Variants in B9D2 observed in about 807,000 individuals in gnomAD.
B9D2 encodes B9 domain-containing protein 2.
In B9D2, 21 loss-of-function variants were observed where a neutral mutation model predicts 19.2. That is an observed-to-expected ratio of 1.09 (90% CI 0.78 to 1.58). B9D2 has a LOEUF of 1.58. B9D2 is among the 40% of genes most tolerant of loss of function. The pLI, the probability that B9D2 is intolerant of heterozygous loss-of-function variation, is 0.00. For synonymous variants in B9D2, 91 were observed against 100.6 expected, an observed-to-expected ratio of 0.90 and a Z score of 0.57; for missense variants, 221 against 244.3, an observed-to-expected ratio of 0.90 and a Z score of 0.64.
chr19:41,360,364 C>T (rs548520326), intron 2 of B9D2, among the ~76,000 whole-genome samples: 7 of 152,170 alleles, frequency 4.6e-5, no homozygotes, highest in African/African-American at 1.4e-4. Flanking sequence ...TTTGTAGAGA[C>T]GGGGGTCTCA....
Position 41,354,846 on chromosome 19 carries a change from C to G in B9D2, c.382G>C (p.Val128Leu). ...SWREQLARAF[V>L]GGGPQLLHGD... ...TGCAGCAGCTGCGGCCCACCACCCA[C>G]GAAAGCCCGTGCCAACTGTTCTCGC... is the stretch of plus-strand genomic sequence containing the variant. The change falls in exon 4 of 4, where the codon GTG becomes CTG. Residue 128 changes from valine (V) to leucine (L), a missense_variant. Coordinates refer to ENST00000243578, the MANE Select transcript of B9D2 (RefSeq NM_030578.4). 1 of 1,613,942 alleles carries G rather than the reference C, an allele frequency of 6.2e-7. No individual in the cohort carries two copies. The highest frequency in any genetic ancestry group is 8.5e-7 in the Non-Finnish European group (1 of 1,179,986).
At position 41,354,737 on chromosome 19, in the gene B9D2, A is replaced by C; in HGVS notation, c.491T>G (p.Leu164Arg). 1 of 1,614,070 alleles carries C rather than the reference A, an allele frequency of 6.2e-7. No individual in the cohort carries two copies. The highest frequency in any genetic ancestry group is 8.5e-7 in the Non-Finnish European group (1 of 1,180,038). The change falls in exon 4 of 4, where the codon CTG (leucine) becomes CGG (arginine). Residue 164 changes from leucine (L) to arginine (R), a missense_variant. Transcript: ENST00000243578. ...GGTVHLEIGL[L>R]LRNFDRYGVE... ...GCCGTAGCGGTCGAAGTTGCGGAGC[A>C]GCAGGCCGATCTCCAGGTGCACGGT...
chr19:41,363,911 G>T, intron 1 of B9D2, 47 bp downstream of exon 1: 1 of 428,656 alleles, frequency 2.3e-6, no homozygotes, highest in Non-Finnish European at 4.3e-6. Flanking sequence ...ATGAGTTCAG[G>T]TCCGACTTAA....
chr19:41,360,293 A>T (rs1344205890), intron 2 of B9D2, among the ~76,000 whole-genome samples: 1 of 152,034 alleles, frequency 6.6e-6, no homozygotes, highest in Non-Finnish European at 1.5e-5. Flanking sequence ...CTCCCACCTC[A>T]ACCTCCCAAG....
intron 2 of B9D2, among the ~76,000 whole-genome samples, chr19:41,358,557 G>C (rs185905069): frequency 6.6e-6 from 1 of 152,064 alleles, no homozygotes; most frequent in Non-Finnish European, 1.5e-5. Flanking sequence ...TAGTGAGCAC[G>C]GGATAAGTCT....
chr19:41,355,010 C>T lies in B9D2; in HGVS notation c.218G>A (p.Trp73Ter), dbSNP rs766846026. The change falls in exon 4 of 4, where the codon TGG becomes TAG. Residue 73 changes from tryptophan (W) to a stop codon, truncating the protein, a stop_gained. Transcript: ENST00000243578. LOFTEE classifies it high-confidence loss of function. ...LHFATKGLQGWPRLHFQVWSQ... is the reference protein window; with the variant it reads ...LHFATKGLQG ...CCACACCTGGAAATGGAGCCGGGGC[C>T]AGCCTGCAGGAAAGGAGAGAGAGGG... The T allele has an allele frequency of 6.3e-7, 1 of 1,591,672 alleles. No homozygotes were observed.
At chr19:41,363,544 T>C in intron 1 of B9D2, 21 bp from the exon 2 acceptor site, 1 of 1,605,654 alleles carries the variant, frequency 6.2e-7, no homozygotes, top group South Asian at 1.1e-5. Flanking sequence ...AAAAATATAA[T>C]CACAACCCTG....
At position 41,354,546 on chromosome 19, in the gene B9D2, C is replaced by A; in HGVS notation, c.*154G>T. On this transcript the variant is annotated 3_prime_UTR_variant, in exon 4 of 4. Transcript: ENST00000243578. ...GATAGGGAAACTGGGCCCAGAGGGA[C>A]CCCGAGGTCCTAGAAAGGACAGAAG... The A allele has an allele frequency of 4.0e-6, 4 of 994,994 alleles. No homozygotes were observed. The South Asian group carries it at 4.2e-5, about 11-fold the overall frequency. The allele number at this position is 994,994 out of a possible 1,614,324, so 61.6% of individuals were successfully genotyped here. A position where few individuals can be genotyped will look rare whatever the true frequency, so the allele number is the denominator to read the frequency against.
intron 3 of B9D2, among the ~76,000 whole-genome samples, chr19:41,356,781 G>A (rs1176243537): frequency 6.6e-6 from 1 of 151,918 alleles, no homozygotes; most frequent in Non-Finnish European, 1.5e-5. Context: ...AACCTGGGAG[G>A]CAGAGGTTGC....
At chr19:41,356,213 G>A (rs916628467) in intron 3 of B9D2, among the ~76,000 whole-genome samples, 1 of 152,174 alleles carries the variant, frequency 6.6e-6, no homozygotes, top group African/African-American at 2.4e-5. Context: ...GGTCCCAGCT[G>A]CATGTGGGGT....
chr19:41,357,941 C>G lies in B9D2; in HGVS notation c.170G>C (p.Trp57Ser). The change falls in exon 3 of 4, where the codon TGG becomes TCG. Residue 57 changes from tryptophan (W) to serine (S), a missense_variant. Transcript: ENST00000243578. ...GAAGTGCAGGTCGATGGGGTGGGAC[C>G]AGTAAGCCATGTCCCCTATCTGCGG... ...DTPQIGDMAY[W>S]SHPIDLHFAT... is the part of the protein sequence containing the mutation. 1 of 1,614,146 alleles carries G rather than the reference C, an allele frequency of 6.2e-7. No individual in the cohort carries two copies. The highest frequency in any genetic ancestry group is 8.5e-7 in the Non-Finnish European group (1 of 1,180,012).
At chr19:41,355,432 C>CCCTCCTCATGTCCCTGCCCTCCCT (rs11466313) in intron 3 of B9D2, among the ~76,000 whole-genome samples, 1 of 151,704 alleles carries the variant, frequency 6.6e-6, no homozygotes, top group Non-Finnish European at 1.5e-5. Flanking sequence ...CTCCTGCCTT[C>CCCTCCTCATGTCCCTGCCCTCCCT]CCTCATGTCC....
chr19:41,363,175 G>A lies in B9D2; in HGVS notation c.88+257C>T, dbSNP rs368471215. On this transcript the variant is annotated intron_variant, in intron 2 of 3. Transcript: ENST00000243578. ...GCGGGAGGATCACTAGAGCCCGAGA[G>A]TTCGAGGCTGCACTGAGCTATGATC... is the stretch of plus-strand genomic sequence containing the variant. The A allele has an allele frequency of 1.9e-3, 966 of 516,708 alleles. 20 individuals carry two copies. The South Asian group carries it at 0.019, about 10-fold the overall frequency. 32.0% of individuals were successfully genotyped at this position (516,708 alleles called of 1,614,324 possible).
At chr19:41,361,316 G>A (rs895335394) in intron 2 of B9D2, 1 of 152,230 alleles carries the variant, frequency 6.6e-6, no homozygotes, top group African/African-American at 2.4e-5. Flanking sequence ...GCCCTATGAA[G>A]AACAAATGAG....
At chr19:41,356,956 GGCCTGTCCCCTTCT>G (rs2038323791) in intron 3 of B9D2, among the ~76,000 whole-genome samples, 2 of 152,000 alleles carry the variant, frequency 1.3e-5, no homozygotes, top group Non-Finnish European at 2.9e-5. Flanking sequence ...GGCCCTGCAT[GGCCTGTCCCCTTCT>G]GCCTTTCCCC....
rs201182397 is a variant in B9D2 at position 41,357,844 on chromosome 19, G to C, written c.214+53C>G. On this transcript the variant is annotated intron_variant, in intron 3 of 3. Coordinates refer to ENST00000243578, the MANE Select transcript of B9D2 (RefSeq NM_030578.4). ...TGTTCCCAGCCCCAGGGACCTCAGA[G>C]GCTACTGGCCCCCTCCCCTCAGCCT... 4.8e-4 allele frequency: 770 copies of C among 1,610,046 alleles called. 1 individual carries two copies. The highest frequency in any genetic ancestry group is 5.7e-4 in the Non-Finnish European group (673 of 1,177,690).
chr19:41,356,658 C>A (rs1380262157), intron 3 of B9D2, among the ~76,000 whole-genome samples: 5 of 151,318 alleles, frequency 3.3e-5, no homozygotes, highest in African/African-American at 1.2e-4. Context: ...AGCCTGACCA[C>A]CTTGGTGAAA....
At position 41,354,946 on chromosome 19, in the gene B9D2, A is replaced by G; in HGVS notation, c.282T>C (p.Tyr94=). Residue 94 remains tyrosine (Y), a synonymous_variant, in exon 4 of 4, where the codon TAT becomes TAC. Transcript: ENST00000243578. The stretch of plus-strand genomic sequence containing the variant: ...GGCTACTGGGCACATGGCAAAATCC[A>G]TAGCCTGCAAGCTGGCAGCGGCCAA... The part of the protein sequence containing the change: ...DSFGRCQLAG[Y]GFCHVPSSPG... The G allele has an allele frequency of 6.2e-7, 1 of 1,612,654 alleles. No homozygotes were observed. The highest frequency in any genetic ancestry group is 8.5e-7 in the Non-Finnish European group (1 of 1,179,388).
In B9D2 at chr19:41,357,960, T is replaced by C. The variant is rs368393895; in HGVS notation, c.151A>G (p.Ile51Val). 1.9e-6 allele frequency: 3 copies of C among 1,614,146 alleles called. No individual in the cohort carries two copies. Among genetic ancestry groups the C allele is most frequent in the East Asian group, 2.2e-5 (1 of 44,886 alleles). Residue 51 changes from isoleucine (I) to valine (V), a missense_variant, in exon 3 of 4, where the codon ATA becomes GTA. Ile to Val is a conservative substitution (Grantham distance 29). Coordinates refer to ENST00000243578, the MANE Select transcript of B9D2 (RefSeq NM_030578.4). ...TGGGACCAGTAAGCCATGTCCCCTA[T>C]CTGCGGGGTGTCCACTTGCGTTTGG... ...EGQTQVDTPQ[I>V]GDMAYWSHPI...
Sources: gnomAD v4.1 joint callset for allele counts (sites outside exome capture counted in the v4.1 genomes callset) on GRCh38, gnomAD v4.1.1 for gene constraint, MANE v1.5 for transcripts, NCBI Gene and HGNC (gene_info 2026-07-23, HGNC 2026-07-21) for gene names.